EGR4: variants seen among roughly 807,000 people sequenced by gnomAD.
EGR4 encodes the protein early growth response protein 4.
In EGR4, 22 loss-of-function variants were observed where a neutral mutation model predicts 25.4. The ratio of observed to expected loss-of-function variants is 0.87; its 90% CI spans 0.62 to 1.24. The LOEUF is 1.24. EGR4 is among the 50% of genes most tolerant of loss of function. EGR4 has a pLI of 0.00. For missense variants in EGR4, 742 were observed against 702.9 expected, an observed-to-expected ratio of 1.06 and a Z score of -0.63; for synonymous variants, 375 against 320.1, an observed-to-expected ratio of 1.17 and a Z score of -1.83.
chr2:73,293,038 TG>T (rs1689143470), intron 1 of EGR4, 143 bp downstream of exon 1: 7 of 931,212 alleles, frequency 7.5e-6, no homozygotes, highest in Non-Finnish European at 8.7e-6. Context: ...TGGGTGGGAA[TG>T]GGGGTGCGCA....
rs369183148 is a variant in EGR4 at position 73,291,456 on chromosome 2, C to T, written c.*1G>A. On this transcript the variant is annotated 3_prime_UTR_variant, in exon 2 of 2. Transcript: ENST00000436467. ...CCCCAACCCATAAACCCATCTCTTGCTCAGAGAGAAGCGAAGGAGAGGCCC... is the reference window on the plus strand; with the variant it reads ...CCCCAACCCATAAACCCATCTCTTGTTCAGAGAGAAGCGAAGGAGAGGCCC... 2 of 1,595,252 alleles carry T rather than the reference C, an allele frequency of 1.3e-6. No individual in the cohort carries two copies. The highest frequency in any genetic ancestry group is 2.2e-5 in the East Asian group (1 of 44,602).
In EGR4 at chr2:73,291,845, C is replaced by A. The variant is rs1489636672; in HGVS notation, c.1073G>T (p.Arg358Leu). 1 of 1,579,014 alleles carries A rather than the reference C, an allele frequency of 6.3e-7. No homozygotes were observed. The highest frequency in any genetic ancestry group is 8.6e-7 in the Non-Finnish European group (1 of 1,168,176). Residue 358 changes from arginine to leucine, a missense_variant, in exon 2 of 2, where the codon CGC becomes CTC. Transcript: ENST00000436467. ...GCATTTGCCGCCGCGGCGCCCCTTG[C>A]GTCGCGCCTTGGCCTGGGGGAAAGG... Reference protein sequence around the residue: ...PTPFPQAKARRKGRRGGKCST... With the variant: ...PTPFPQAKARLKGRRGGKCST...
Position 73,293,499 on chromosome 2 carries a change from CACCGGCCTCGGGCGGCGGCT to C in EGR4, c.-202_-183del. ...GAGCCGCGGCGCCCTCGCTCGCCCG[CACCGGCCTCGGGCGGCGGCT>C]CCTCGCCTCTCCAAAGCGCTGCCGG... On this transcript the variant is annotated 5_prime_UTR_variant, in exon 1 of 2. Coordinates refer to ENST00000436467, the MANE Select transcript of EGR4 (RefSeq NM_001965.4). 1 of 1,505,036 alleles carries C rather than the reference CACCGGCCTCGGGCGGCGGCT, an allele frequency of 6.6e-7. No homozygotes were observed. The highest frequency in any genetic ancestry group is 8.8e-7 in the Non-Finnish European group (1 of 1,130,954). 93.2% of individuals were successfully genotyped at this position (1,505,036 alleles called of 1,614,324 possible).
chr2:73,292,129 G>T lies in EGR4; in HGVS notation c.789C>A (p.Ser263Arg), dbSNP rs940299324. 2.5e-6 allele frequency: 4 copies of T among 1,597,962 alleles called. No individual in the cohort carries two copies. Among genetic ancestry groups the T allele is most frequent in the Non-Finnish European group, 3.4e-6 (4 of 1,172,286 alleles). ...CCAGCGGGAAAGCGTCATAGGCCCC[G>T]CTGGGATAGAGTCTGTTGGCTGGGA... ...PAVPANRLYP[S>R]GAYDAFPLAP... Residue 263 changes from serine to arginine, a missense_variant, in exon 2 of 2, where the codon AGC (serine) becomes AGA (arginine). Coordinates refer to ENST00000436467, the MANE Select transcript of EGR4 (RefSeq NM_001965.4).
At position 73,292,052 on chromosome 2, in the gene EGR4, G is replaced by A. The variant is rs1366600610; in HGVS notation, c.866C>T (p.Pro289Leu). ...GAEGLPGLLT[P>L]PSGEGGSSGD... ...GCTACTCCCTCCCTCCCCACTAGGAGGGGTCAGGAGCCCAGGGAGGCCCTC... is the reference window on the plus strand; with the variant it reads ...GCTACTCCCTCCCTCCCCACTAGGAAGGGTCAGGAGCCCAGGGAGGCCCTC... Residue 289 changes from proline (P) to leucine (L), a missense_variant, in exon 2 of 2, where the codon CCT becomes CTT. Pro to Leu is a moderately conservative substitution (Grantham distance 98). Transcript: ENST00000436467. 2 of 1,609,674 alleles carry A rather than the reference G, an allele frequency of 1.2e-6. No individual in the cohort carries two copies. Among genetic ancestry groups the A allele is most frequent in the African/African-American group, 2.7e-5 (2 of 74,816 alleles).
intron 1 of EGR4, 54 bp downstream of exon 1, chr2:73,293,128 T>C: frequency 7.2e-7 from 1 of 1,386,606 alleles, no homozygotes; most frequent in Non-Finnish European, 9.4e-7. Flanking sequence ...TCAGGTATGG[T>C]GCGCCCCCGC....
rs1252234589 is a variant in EGR4 at position 73,291,353 on chromosome 2, C to A, written c.*104G>T. 10 of 1,478,490 alleles carry A rather than the reference C, an allele frequency of 6.8e-6. No homozygotes were observed. Among genetic ancestry groups the A allele is most frequent in the Non-Finnish European group, 9.0e-6 (10 of 1,109,128 alleles). The allele number at this position is 1,478,490 out of a possible 1,614,324, so 91.6% of individuals were successfully genotyped here. ...ACTGGAAGCGGGACCGGAGGCCGGC[C>A]CTCGGGCGTGCGAGGAGGAGTTGGA... On this transcript the variant is annotated 3_prime_UTR_variant, in exon 2 of 2. Coordinates refer to ENST00000436467, the MANE Select transcript of EGR4 (RefSeq NM_001965.4).
At position 73,292,207 on chromosome 2, in the gene EGR4, C is replaced by T. The variant is rs1181673890; in HGVS notation, c.711G>A (p.Gly237=). The T allele has an allele frequency of 6.3e-7, 1 of 1,595,680 alleles. No individual in the cohort carries two copies. Among genetic ancestry groups the T allele is most frequent in the Non-Finnish European group, 8.5e-7 (1 of 1,171,202 alleles). ...AAPEARFPVI[G]TKIEDLLSIS... ...TGGACAGCAAGTCCTCAATCTTGGT[C>T]CCTATTACGGGAAAACGAGCCTCCG... The change falls in exon 2 of 2, where the codon GGG becomes GGA. Residue 237 remains glycine, a synonymous_variant. Coordinates refer to ENST00000436467, the MANE Select transcript of EGR4 (RefSeq NM_001965.4).
In EGR4 at chr2:73,293,384, G is replaced by A. The variant is rs972125480; in HGVS notation, c.-67C>T. The A allele has an allele frequency of 4.0e-6, 6 of 1,497,404 alleles. No homozygotes were observed. Among genetic ancestry groups the A allele is most frequent in the Admixed American group, 2.5e-5 (1 of 40,544 alleles). The allele number at this position is 1,497,404 out of a possible 1,614,324, so 92.8% of individuals were successfully genotyped here. A position where few individuals can be genotyped will look rare whatever the true frequency, so the allele number is the denominator to read the frequency against. On this transcript the variant is annotated 5_prime_UTR_variant, in exon 1 of 2. Transcript: ENST00000436467. Reference sequence around the variant, plus strand: ...GGGCTTGGGGGCGCGCGGGTGGCGGGGAGGCTGGCGGTAGGGGTTCCCCGC... The same window carrying A: ...GGGCTTGGGGGCGCGCGGGTGGCGGAGAGGCTGGCGGTAGGGGTTCCCCGC...
In EGR4 at chr2:73,293,473, G is replaced by A; in HGVS notation, c.-156C>T. The A allele has an allele frequency of 6.6e-7, 1 of 1,511,102 alleles. No individual in the cohort carries two copies. The highest frequency in any genetic ancestry group is 8.8e-7 in the Non-Finnish European group (1 of 1,131,792). 93.6% of individuals were successfully genotyped at this position (1,511,102 alleles called of 1,614,324 possible). On this transcript the variant is annotated 5_prime_UTR_variant, in exon 1 of 2. Transcript: ENST00000436467. ...CACTCACCTCTGGGAAAGGAGTCGG[G>A]GAGCCGCGGCGCCCTCGCTCGCCCG...
chr2:73,291,322 A>C lies in EGR4; in HGVS notation c.*135T>G, dbSNP rs1455656152. 10 of 1,300,826 alleles carry C rather than the reference A, an allele frequency of 7.7e-6. No individual in the cohort carries two copies. The highest frequency in any genetic ancestry group is 8.3e-6 in the Non-Finnish European group (8 of 960,282). 80.6% of individuals were successfully genotyped at this position (1,300,826 alleles called of 1,614,324 possible). ...ATAGGGCGTGTGCGGCGGGCGCTTC[A>C]AGGAAACTGGAAGCGGGACCGGAGG... On this transcript the variant is annotated 3_prime_UTR_variant, in exon 2 of 2. Transcript: ENST00000436467.
At position 73,292,294 on chromosome 2, in the gene EGR4, C is replaced by T; in HGVS notation, c.624G>A (p.Trp208Ter). 6.2e-7 allele frequency: 1 copy of T among 1,608,322 alleles called. No homozygotes were observed. Among genetic ancestry groups the T allele is most frequent in the Non-Finnish European group, 8.5e-7 (1 of 1,176,402 alleles). ...CTGGGGCCCCCACAGAAAGCAGCTC[C>T]CAGGGCGCGTAGGGACCCTTGAAGG... ...VSAFKGPYAPWELLSVGAPGN... is the reference protein window; with the variant it reads ...VSAFKGPYAP The change falls in exon 2 of 2, where the codon TGG (tryptophan) becomes TGA (stop). Residue 208 changes from tryptophan to a stop codon, truncating the protein, a stop_gained. Transcript: ENST00000436467. LOFTEE classifies it high-confidence loss of function.
Position 73,291,595 on chromosome 2 carries a change from G to C in EGR4, c.1323C>G (p.Asp441Glu). The change falls in exon 2 of 2, where the codon GAC becomes GAG. Residue 441 changes from aspartate to glutamate, a missense_variant. Physicochemically the swap from Asp to Glu is conservative, Grantham distance 45. Transcript: ENST00000436467. ...TGCGCGCGAAGCGGCGGCCGCACAC[G>C]TCGCAAGCAAAAGGCTTCTCGCCGG... ...THTGEKPFAC[D>E]VCGRRFARSD... is the part of the protein sequence containing the mutation. The C allele has an allele frequency of 6.2e-7, 1 of 1,613,134 alleles. No homozygotes were observed. The highest frequency in any genetic ancestry group is 8.5e-7 in the Non-Finnish European group (1 of 1,179,890).
Position 73,291,372 on chromosome 2 carries a change from A to T in EGR4, c.*85T>A, listed in dbSNP as rs1574398956. 2 of 1,503,676 alleles carry T rather than the reference A, an allele frequency of 1.3e-6. No homozygotes were observed. The highest frequency in any genetic ancestry group is 1.8e-6 in the Non-Finnish European group (2 of 1,127,308). 93.1% of individuals were successfully genotyped at this position (1,503,676 alleles called of 1,614,324 possible). On this transcript the variant is annotated 3_prime_UTR_variant, in exon 2 of 2. Transcript: ENST00000436467. ...GCCGGCCCTCGGGCGTGCGAGGAGG[A>T]GTTGGAAGAAGAGCGGGGAGGGGAA...
chr2:73,291,462 G>T lies in EGR4; in HGVS notation c.1456C>A (p.Leu486Ile), dbSNP rs758492468. 6.3e-7 allele frequency: 1 copy of T among 1,599,176 alleles called. No individual in the cohort carries two copies. The highest frequency in any genetic ancestry group is 1.3e-5 in the African/African-American group (1 of 74,434). ...CCCATAAACCCATCTCTTGCTCAGA[G>T]AGAAGCGAAGGAGAGGCCCAGCGAG... ...FYSLGLSFAS[L>I] is the part of the protein sequence containing the mutation. Residue 486 changes from leucine to isoleucine, a missense_variant, in exon 2 of 2, where the codon CTC becomes ATC. Transcript: ENST00000436467.
At position 73,291,259 on chromosome 2, in the gene EGR4, G is replaced by T; in HGVS notation, c.*198C>A. The T allele has an allele frequency of 2.7e-6, 2 of 735,998 alleles. No individual in the cohort carries two copies. Among genetic ancestry groups the T allele is most frequent in the Non-Finnish European group, 2.1e-6 (1 of 469,764 alleles). The allele number at this position is 735,998 out of a possible 1,614,324, so 45.6% of individuals were successfully genotyped here. A position where few individuals can be genotyped will look rare whatever the true frequency, so the allele number is the denominator to read the frequency against. On this transcript the variant is annotated 3_prime_UTR_variant, in exon 2 of 2. Transcript: ENST00000436467. Reference sequence around the variant, plus strand: ...AAGCGCGGCTGACAAGGGTGACAGCGCCTGGACCGCGGGAACTGTCCGCGG... The same window carrying T: ...AAGCGCGGCTGACAAGGGTGACAGCTCCTGGACCGCGGGAACTGTCCGCGG...
chr2:73,293,147 G>A lies in EGR4; in HGVS notation c.136+35C>T, dbSNP rs373746151. On this transcript the variant is annotated intron_variant, in intron 1 of 1. Coordinates refer to ENST00000436467, the MANE Select transcript of EGR4 (RefSeq NM_001965.4). ...GTATGGTGCGCCCCCGCGCTGCGCCGTCGTCGTCTGAGCACCCCTGCTCGC... is the reference window on the plus strand; with the variant it reads ...GTATGGTGCGCCCCCGCGCTGCGCCATCGTCGTCTGAGCACCCCTGCTCGC... The A allele has an allele frequency of 3.5e-6, 5 of 1,419,612 alleles. No individual in the cohort carries two copies. The African/African-American group carries it at 6.0e-5, about 17-fold the overall frequency. 87.9% of individuals were successfully genotyped at this position (1,419,612 alleles called of 1,614,324 possible).
At position 73,292,358 on chromosome 2, in the gene EGR4, C is replaced by T; in HGVS notation, c.560G>A (p.Arg187Gln). ...LSPPDVKPGL[R>Q]APPASPALDA... ...CAGCGCTGGCGAGGCGGGAGGCGCC[C>T]GGAGGCCGGGCTTGACGTCGGGCGG... The change falls in exon 2 of 2, where the codon CGG (arginine) becomes CAG (glutamine). Residue 187 changes from arginine to glutamine, a missense_variant. Transcript: ENST00000436467. 2 of 1,559,706 alleles carry T rather than the reference C, an allele frequency of 1.3e-6. No individual in the cohort carries two copies. Among genetic ancestry groups the T allele is most frequent in the South Asian group, 1.2e-5 (1 of 82,638 alleles).
rs752897846 is a variant in EGR4, at chr2:73,291,511, C to T, written c.1407G>A (p.Glu469=). The change falls in exon 2 of 2, where the codon GAG becomes GAA. Residue 469 remains glutamate, a synonymous_variant. Coordinates refer to ENST00000436467, the MANE Select transcript of EGR4 (RefSeq NM_001965.4). The part of the protein sequence containing the change: ...VHLKQKARAE[E]RLKGLGFYSL... ...AGTAAAAGCCGAGGCCCTTGAGCCG[C>T]TCCTCGGCGCGCGCCTTCTGCTTGA... 3 of 1,612,802 alleles carry T rather than the reference C, an allele frequency of 1.9e-6. No individual in the cohort carries two copies. In the Admixed American group the frequency reaches 5.0e-5, roughly 27 times the overall value.
Sources: gnomAD v4.1 joint callset for allele counts on GRCh38, gnomAD v4.1.1 for gene constraint, MANE v1.5 for transcripts, NCBI Gene and HGNC (gene_info 2026-07-23, HGNC 2026-07-21) for gene names.